The following WDR43 variants were observed in gnomAD, a reference collection of about 807,000 sequenced individuals.
The protein encoded by WDR43 is WD repeat domain 43.
Under a neutral mutation model 91.4 loss-of-function variants are expected in WDR43, and 13 were observed. The observed-to-expected ratio is 0.14, with a 90% CI of 0.09 to 0.23. The LOEUF (loss-of-function observed/expected upper bound fraction) is 0.23, where lower values mean the gene tolerates loss of function less well. WDR43 is among the 10% of genes least tolerant of loss of function. The pLI is 1.00. For synonymous variants in WDR43, 331 were observed against 287.9 expected, an observed-to-expected ratio of 1.15 and a Z score of -1.51; for missense variants, 780 against 809.4, an observed-to-expected ratio of 0.96 and a Z score of 0.44.
chr2:28,937,848 TTGTC>T (rs1346143411), intron 13 of WDR43, 79 bp from the exon 14 acceptor site: 23 of 1,318,804 alleles, frequency 1.7e-5, no homozygotes, highest in Middle Eastern at 1.8e-4. Flanking sequence ...AGACCTTCAC[TTGTC>T]TGTCTGGGTT....
chr2:28,946,965 A>G lies in WDR43; in HGVS notation c.*186A>G. 1 of 598,532 alleles carries G rather than the reference A, an allele frequency of 1.7e-6. No homozygotes were observed. Among genetic ancestry groups the G allele is most frequent in the Non-Finnish European group, 2.8e-6 (1 of 355,546 alleles). 37.1% of individuals were successfully genotyped at this position (598,532 alleles called of 1,614,324 possible). A position where few individuals can be genotyped will look rare whatever the true frequency, so the allele number is the denominator to read the frequency against. On this transcript the variant is annotated 3_prime_UTR_variant, in exon 18 of 18. Coordinates refer to ENST00000407426, the MANE Select transcript of WDR43 (RefSeq NM_015131.3). ...TGTGTAAATAAGAGTGTTTCATTCA[A>G]ATGTTAATAAACTTTACACAGTATA...
At chr2:28,942,470 A>G (rs963940113) in intron 16 of WDR43, 89 bp downstream of exon 16, 45 of 1,381,760 alleles carry the variant, frequency 3.3e-5, no homozygotes, top group African/African-American at 4.3e-5. Flanking sequence ...AAACGTCAAC[A>G]TAAGATCTTC....
intron 1 of WDR43, among the ~76,000 whole-genome samples, chr2:28,901,484 C>G (rs761509955): frequency 3.9e-5 from 6 of 152,186 alleles, no homozygotes; most frequent in African/African-American, 1.2e-4. Flanking sequence ...GAAGTTAATG[C>G]ACGTTTATAA....
At chr2:28,917,213 T>C (rs1025856822) in intron 5 of WDR43, among the ~76,000 whole-genome samples, 9 of 152,178 alleles carry the variant, frequency 5.9e-5, no homozygotes, top group African/African-American at 2.2e-4. Flanking sequence ...GCAACTCAGA[T>C]TTTTCGCTAG....
chr2:28,931,156 A>G (rs528457681), intron 11 of WDR43, among the ~76,000 whole-genome samples: 1 of 145,748 alleles, frequency 6.9e-6, no homozygotes, highest in African/African-American at 2.6e-5. Context: ...GCTCACTGCT[A>G]TCTCTGCCTC....
intron 7 of WDR43, among the ~76,000 whole-genome samples, chr2:28,923,289 A>G (rs1671070863): frequency 6.6e-6 from 1 of 152,086 alleles, no homozygotes; most frequent in Non-Finnish European, 1.5e-5. Context: ...ATGATGTTTT[A>G]TTTATCTTTG....
chr2:28,903,634 C>T (rs1216620254), intron 2 of WDR43, among the ~76,000 whole-genome samples: 3 of 152,126 alleles, frequency 2.0e-5, no homozygotes, highest in African/African-American at 7.2e-5. Flanking sequence ...AAGCATTCTT[C>T]CCTATATTCT....
chr2:28,936,894 T>C, intron 12 of WDR43, 28 bp from the exon 13 acceptor site: 1 of 1,561,372 alleles, frequency 6.4e-7, no homozygotes, highest in Non-Finnish European at 8.7e-7. Context: ...TGAAGTGCTG[T>C]TGTTAATAGT....
intron 7 of WDR43, among the ~76,000 whole-genome samples, chr2:28,923,982 A>G (rs1422228473): frequency 6.6e-6 from 1 of 152,144 alleles, no homozygotes; most frequent in African/African-American, 2.4e-5. Flanking sequence ...AGAGACCCCA[A>G]ATCCTGGGTT....
chr2:28,910,420 T>G (rs1490702064), intron 3 of WDR43, among the ~76,000 whole-genome samples: 1 of 152,110 alleles, frequency 6.6e-6, no homozygotes, highest in African/African-American at 2.4e-5. Flanking sequence ...AAGGAAAAGT[T>G]CTCTCGTACA....
chr2:28,936,193 T>TA lies in WDR43; in HGVS notation c.1524+597dup, dbSNP rs908262881. Reference sequence around the variant, plus strand: ...TAGGCAACATAGCAAGACCCCATCTTAAAAAAAAAAAGTATATATAATTTC... The same window carrying TA: ...TAGGCAACATAGCAAGACCCCATCTTAAAAAAAAAAAAGTATATATAATTTC... On this transcript the variant is annotated intron_variant, in intron 12 of 17. Coordinates refer to ENST00000407426, the MANE Select transcript of WDR43 (RefSeq NM_015131.3). Among the ~76,000 whole-genome samples the TA allele has an allele frequency of 1.6e-3, 231 of 145,914 alleles. 1 individual carries two copies. The highest frequency in any genetic ancestry group is 5.0e-3 in the African/African-American group (201 of 39,924).
intron 15 of WDR43, 137 bp downstream of exon 15, chr2:28,941,711 G>A (rs1671440520): frequency 1.6e-6 from 1 of 643,646 alleles, no homozygotes; most frequent in Non-Finnish European, 2.6e-6. Context: ...GCTCACTGCA[G>A]CCTCGCTCAA....
rs1671144498 is a variant in WDR43 at position 28,926,455 on chromosome 2, AAT to A, written c.1087-8_1087-7del. On this transcript the variant is annotated splice_polypyrimidine_tract_variant and intron_variant, in intron 8 of 17. Transcript: ENST00000407426. ...TCCTCTCATCTTCCCCTTTAAAAAA[AAT>A]ATATTTTCAGGCTTTAAACTCCAGA... The A allele has an allele frequency of 6.6e-7, 1 of 1,522,454 alleles. No individual in the cohort carries two copies. Among genetic ancestry groups the A allele is most frequent in the Non-Finnish European group, 8.8e-7 (1 of 1,131,342 alleles). The allele number at this position is 1,522,454 out of a possible 1,614,324, so 94.3% of individuals were successfully genotyped here. A position where few individuals can be genotyped will look rare whatever the true frequency, so the allele number is the denominator to read the frequency against.
intron 7 of WDR43, among the ~76,000 whole-genome samples, 176 bp from the exon 8 acceptor site, chr2:28,924,806 G>A (rs145945641): frequency 2.6e-4 from 39 of 152,254 alleles, no homozygotes; most frequent in African/African-American, 9.1e-4. Context: ...TTTGAGTATA[G>A]GTAGAGGTAG....
In WDR43 at chr2:28,912,784, A is replaced by G. The variant is rs1046144874; in HGVS notation, c.606+74A>G. On this transcript the variant is annotated intron_variant, in intron 4 of 17. Transcript: ENST00000407426. ...AGAGAAAGGCAGAAGTTTGAACCAT[A>G]AGATATTATTTTAAGAATACAAATT... The G allele has an allele frequency of 2.6e-6, 4 of 1,550,494 alleles. No homozygotes were observed. In the South Asian group the frequency reaches 4.8e-5, roughly 19 times the overall value.
intron 10 of WDR43, 29 bp downstream of exon 10, chr2:28,927,729 G>A: frequency 6.2e-7 from 1 of 1,608,736 alleles, no homozygotes; most frequent in Non-Finnish European, 8.5e-7. Flanking sequence ...CCATATATTT[G>A]AGTTTGTGAT....
Position 28,894,746 on chromosome 2 carries a change from G to T in WDR43, c.48G>T (p.Gly16=). 1.9e-6 allele frequency: 3 copies of T among 1,594,338 alleles called. No homozygotes were observed. The highest frequency in any genetic ancestry group is 2.3e-5 in the East Asian group (1 of 43,898). Residue 16 remains glycine, a synonymous_variant, in exon 1 of 18, where the codon GGG becomes GGT. Transcript: ENST00000407426. The stretch of plus-strand genomic sequence containing the variant: ...GCTGCGACCCCCTGGCCCCTGCTGG[G>T]GTCCCTTGCGCCTTCTCCCCGCACA... ...GGSCDPLAPA[G]VPCAFSPHSQ... is the part of the protein sequence containing the mutation.
intron 5 of WDR43, among the ~76,000 whole-genome samples, chr2:28,915,252 T>C (rs1343091620): frequency 6.6e-6 from 1 of 152,262 alleles, no homozygotes; most frequent in Admixed American, 6.5e-5. Flanking sequence ...TTCCTAATTA[T>C]GTCTCTTGTA....
chr2:28,907,219 C>G (rs1670698072), intron 3 of WDR43, among the ~76,000 whole-genome samples: 1 of 152,094 alleles, frequency 6.6e-6, no homozygotes, highest in East Asian at 1.9e-4. Context: ...GTTGAGGACC[C>G]TCATGAGGAA....
Sources: gnomAD v4.1 joint callset for allele counts (sites outside exome capture counted in the v4.1 genomes callset) on GRCh38, gnomAD v4.1.1 for gene constraint, MANE v1.5 for transcripts, NCBI Gene and HGNC (gene_info 2026-07-23, HGNC 2026-07-21) for gene names.